Variants in KIF2A observed in about 807,000 individuals in gnomAD.
The protein encoded by KIF2A is kinesin-like protein KIF2A.
In KIF2A, 22 loss-of-function variants were observed where a neutral mutation model predicts 100.2. That is an observed-to-expected ratio of 0.22 (90% CI 0.16 to 0.31). The LOEUF (loss-of-function observed/expected upper bound fraction) is 0.31. KIF2A is among the 10% of genes least tolerant of loss of function. KIF2A has a pLI of 1.00. For missense variants in KIF2A, 495 were observed against 898.7 expected, an observed-to-expected ratio of 0.55 and a Z score of 5.74; for synonymous variants, 268 against 285.9, an observed-to-expected ratio of 0.94 and a Z score of 0.63.
intron 8 of KIF2A, 137 bp from the exon 9 acceptor site, chr5:62,358,000 G>A: frequency 1.4e-6 from 1 of 705,474 alleles, no homozygotes; most frequent in South Asian, 2.2e-5. Flanking sequence ...TTAGTGAGTT[G>A]CATTTTTATG....
At chr5:62,383,101 A>G (rs153868) in intron 20 of KIF2A, among the ~76,000 whole-genome samples, 28,786 of 143,110 alleles carry the variant, frequency 0.2, 2,956 homozygotes, top group East Asian at 0.41. Context: ...TACTTTTTGT[A>G]TTTTTAGTAG....
chr5:62,335,422 C>T (rs1384314735), intron 1 of KIF2A, among the ~76,000 whole-genome samples: 1 of 152,174 alleles, frequency 6.6e-6, no homozygotes, highest in African/African-American at 2.4e-5. Flanking sequence ...AGACGCCACT[C>T]TGTCCCTCAG....
chr5:62,360,209 C>T (rs1314778965), intron 9 of KIF2A, among the ~76,000 whole-genome samples: 4 of 151,418 alleles, frequency 2.6e-5, no homozygotes, highest in Non-Finnish European at 4.4e-5. Flanking sequence ...AGGCCGGTCT[C>T]GAACTCCTGA....
intron 1 of KIF2A, among the ~76,000 whole-genome samples, chr5:62,309,598 T>G (rs1745465292): frequency 6.6e-6 from 1 of 152,194 alleles, no homozygotes. Flanking sequence ...AAAAATAAAC[T>G]TTGCAGTTGG....
At chr5:62,348,444 T>G (rs368489768) in intron 3 of KIF2A, among the ~76,000 whole-genome samples, 2 of 152,132 alleles carry the variant, frequency 1.3e-5, no homozygotes, top group African/African-American at 2.4e-5. Flanking sequence ...ATCAAAACCA[T>G]TTGCTTGGTG....
At chr5:62,344,555 G>A (rs1307777378) in intron 1 of KIF2A, among the ~76,000 whole-genome samples, 1 of 152,134 alleles carries the variant, frequency 6.6e-6, no homozygotes, top group African/African-American at 2.4e-5. Flanking sequence ...CACTGTTGGT[G>A]AGAATGTATA....
At chr5:62,380,546 A>AAT (rs1435841302) in intron 19 of KIF2A, among the ~76,000 whole-genome samples, 1 of 152,086 alleles carries the variant, frequency 6.6e-6, no homozygotes, top group East Asian at 1.9e-4. Context: ...CACAGTTGGA[A>AAT]ATATATATAA....
At chr5:62,345,063 T>A (rs1457861420) in intron 1 of KIF2A, among the ~76,000 whole-genome samples, 1 of 152,062 alleles carries the variant, frequency 6.6e-6, no homozygotes, top group Non-Finnish European at 1.5e-5. Context: ...CTGGCCAACA[T>A]GGAGAAACCC....
intron 1 of KIF2A, among the ~76,000 whole-genome samples, chr5:62,338,180 A>C (rs575934536): frequency 6.6e-6 from 1 of 152,346 alleles, no homozygotes; most frequent in Non-Finnish European, 1.5e-5. Context: ...ATTGCTGATA[A>C]GTAGAGGGGA....
chr5:62,316,376 T>G (rs1745819451), intron 1 of KIF2A, among the ~76,000 whole-genome samples: 1 of 152,228 alleles, frequency 6.6e-6, no homozygotes, highest in Admixed American at 6.5e-5. Context: ...TCTTTTTTAC[T>G]TTTTCTTTGC....
Position 62,306,364 on chromosome 5 carries a change from G to A in KIF2A, c.-109G>A. The A allele has an allele frequency of 1.1e-6, 1 of 895,326 alleles. No homozygotes were observed. The highest frequency in any genetic ancestry group is 2.9e-5 in the East Asian group (1 of 34,450). 55.5% of individuals were successfully genotyped at this position (895,326 alleles called of 1,614,324 possible). Reference sequence around the variant, plus strand: ...CGTTCACGCTGTCGCCCGGGCCGGCGCGGCCGCGGGCAACCGCTCCCCCTC... The same window carrying A: ...CGTTCACGCTGTCGCCCGGGCCGGCACGGCCGCGGGCAACCGCTCCCCCTC... On this transcript the variant is annotated 5_prime_UTR_variant, in exon 1 of 21. Transcript: ENST00000407818.
At chr5:62,355,370 G>T in intron 7 of KIF2A, 116 bp downstream of exon 7, 1 of 583,274 alleles carries the variant, frequency 1.7e-6, no homozygotes, top group Non-Finnish European at 3.1e-6. Context: ...TTCCTTGTGG[G>T]TGCTCATTCC....
At chr5:62,383,528 C>T (rs758478399) in intron 20 of KIF2A, among the ~76,000 whole-genome samples, 15 of 152,060 alleles carry the variant, frequency 9.9e-5, no homozygotes, top group Non-Finnish European at 2.1e-4. Flanking sequence ...CAGGCATGAG[C>T]CACCACGCCC....
At chr5:62,349,151 G>A (rs1278108581) in intron 3 of KIF2A, among the ~76,000 whole-genome samples, 1 of 151,814 alleles carries the variant, frequency 6.6e-6, no homozygotes, top group Non-Finnish European at 1.5e-5. Context: ...TTCATTGGAG[G>A]ATTTTTGTAG....
Position 62,356,512 on chromosome 5 carries a change from T to C in KIF2A, c.655-1179T>C, listed in dbSNP as rs956302965. Reference sequence around the variant, plus strand: ...GTAGCTAAATTAGACCCACAGGCCATACTGTGCTAATCCTTGCTTTATGTT... The same window carrying C: ...GTAGCTAAATTAGACCCACAGGCCACACTGTGCTAATCCTTGCTTTATGTT... On this transcript the variant is annotated intron_variant, in intron 7 of 20. Coordinates refer to ENST00000407818, the MANE Select transcript of KIF2A (RefSeq NM_001098511.3). Among the ~76,000 whole-genome samples, 6 of 152,362 alleles carry C rather than the reference T, an allele frequency of 3.9e-5. No homozygotes were observed. The East Asian group carries it at 1.2e-3, about 29-fold the overall frequency.
chr5:62,332,478 T>C (rs984011186), intron 1 of KIF2A, among the ~76,000 whole-genome samples: 5 of 152,132 alleles, frequency 3.3e-5, no homozygotes, highest in African/African-American at 1.2e-4. Flanking sequence ...GGGGTAAAAA[T>C]GTTTCTGAAA....
At chr5:62,332,520 G>C (rs1163459892) in intron 1 of KIF2A, among the ~76,000 whole-genome samples, 1 of 151,978 alleles carries the variant, frequency 6.6e-6, no homozygotes, top group East Asian at 1.9e-4. Context: ...TTTGATTAAA[G>C]ATTATATTTC....
chr5:62,365,167 C>T, intron 14 of KIF2A, 76 bp from the exon 15 acceptor site: 1 of 674,656 alleles, frequency 1.5e-6, no homozygotes. Flanking sequence ...TAGTAAGAGA[C>T]CTTTTAAAAT....
At chr5:62,359,167 A>G (rs1250290909) in intron 9 of KIF2A, among the ~76,000 whole-genome samples, 1 of 152,210 alleles carries the variant, frequency 6.6e-6, no homozygotes, top group Non-Finnish European at 1.5e-5. Flanking sequence ...TGTGTTATAC[A>G]TTGGTATCTC....
Sources: gnomAD v4.1 joint callset for allele counts (sites outside exome capture counted in the v4.1 genomes callset) on GRCh38, gnomAD v4.1.1 for gene constraint, MANE v1.5 for transcripts, NCBI Gene and HGNC (gene_info 2026-07-23, HGNC 2026-07-21) for gene names.